Variants in SLC7A6OS observed in about 807,000 individuals in gnomAD.
SLC7A6OS encodes solute carrier family 7 member 6 opposite strand.
A neutral mutation model predicts 34.3 loss-of-function variants in SLC7A6OS; 22 were observed. The observed-to-expected ratio is 0.64, with a 90% CI of 0.46 to 0.92. The LOEUF (loss-of-function observed/expected upper bound fraction) is 0.92, where lower values mean the gene tolerates loss of function less well. SLC7A6OS is among the 40% of genes least tolerant of loss of function. SLC7A6OS has a pLI of 0.00. For synonymous variants in SLC7A6OS, 199 were observed against 165.0 expected (o/e 1.21, Z -1.58); for missense variants, 434 against 407.7 (o/e 1.06, Z -0.56).
chr16:68,300,919 A>G lies in SLC7A6OS; in HGVS notation c.*356T>C. On this transcript the variant is annotated 3_prime_UTR_variant, in exon 5 of 5. Coordinates refer to ENST00000263997, the MANE Select transcript of SLC7A6OS (RefSeq NM_032178.3). The stretch of plus-strand genomic sequence containing the variant: ...ATGGCACAGCAGAAGCTTACTGCTA[A>G]TGAAATGGGAACCTCCCCCTCCCTT... 1 of 1,000,094 alleles carries G rather than the reference A, an allele frequency of 1.0e-6. No homozygotes were observed. The highest frequency in any genetic ancestry group is 1.2e-6 in the Non-Finnish European group (1 of 839,430). 62.0% of individuals were successfully genotyped at this position (1,000,094 alleles called of 1,614,324 possible). A position where few individuals can be genotyped will look rare whatever the true frequency, so the allele number is the denominator to read the frequency against.
Position 68,300,771 on chromosome 16 carries a change from GACT to G in SLC7A6OS, c.*501_*503del, listed in dbSNP as rs2043256139. 64 of 985,392 alleles carry G rather than the reference GACT, an allele frequency of 6.5e-5. No individual in the cohort carries two copies. Among genetic ancestry groups the G allele is most frequent in the Non-Finnish European group, 7.5e-5 (62 of 830,016 alleles). The allele number at this position is 985,392 out of a possible 1,614,324, so 61.0% of individuals were successfully genotyped here. A position where few individuals can be genotyped will look rare whatever the true frequency, so the allele number is the denominator to read the frequency against. ...GTTAACTAAAATCTCCCACTGCTCA[GACT>G]ACTTTCTGCCCTAATGGCCATTACT... On this transcript the variant is annotated 3_prime_UTR_variant, in exon 5 of 5. Transcript: ENST00000263997.
At position 68,301,129 on chromosome 16, in the gene SLC7A6OS, T is replaced by G; in HGVS notation, c.*146A>C. 2 of 1,416,086 alleles carry G rather than the reference T, an allele frequency of 1.4e-6. No individual in the cohort carries two copies. Among genetic ancestry groups the G allele is most frequent in the Non-Finnish European group, 1.8e-6 (2 of 1,081,238 alleles). 87.7% of individuals were successfully genotyped at this position (1,416,086 alleles called of 1,614,324 possible). A position where few individuals can be genotyped will look rare whatever the true frequency, so the allele number is the denominator to read the frequency against. Reference sequence around the variant, plus strand: ...CCCCTAACATAAGTTTTCACTGTGGTGGGATGGTGCCGCCCGATATGCTTG... The same window carrying G: ...CCCCTAACATAAGTTTTCACTGTGGGGGGATGGTGCCGCCCGATATGCTTG... On this transcript the variant is annotated 3_prime_UTR_variant, in exon 5 of 5. Transcript: ENST00000263997.
intron 4 of SLC7A6OS, chr16:68,301,784 C>T (rs552865630): frequency 1.8e-5 from 3 of 163,238 alleles, no homozygotes; most frequent in Non-Finnish European, 2.6e-5. Flanking sequence ...ATTCATTTCT[C>T]TGTTATCAGA....
At chr16:68,301,506 A>G in intron 4 of SLC7A6OS, 101 bp from the exon 5 acceptor site, 4 of 939,618 alleles carry the variant, frequency 4.3e-6, no homozygotes, top group Non-Finnish European at 6.3e-6. Context: ...TCCCGATTGT[A>G]ATGCAAAATC....
In SLC7A6OS at chr16:68,300,643, A is replaced by C. The variant is rs752059048; in HGVS notation, c.*632T>G. 54 of 985,342 alleles carry C rather than the reference A, an allele frequency of 5.5e-5. No homozygotes were observed. Among genetic ancestry groups the C allele is most frequent in the Non-Finnish European group, 6.5e-5 (54 of 829,934 alleles). The allele number at this position is 985,342 out of a possible 1,614,324, so 61.0% of individuals were successfully genotyped here. A position where few individuals can be genotyped will look rare whatever the true frequency, so the allele number is the denominator to read the frequency against. ...CATGTTCAAAGCTAGATTTTACTAA[A>C]CACATGTATCACATTCATATATATT... On this transcript the variant is annotated 3_prime_UTR_variant, in exon 5 of 5. Coordinates refer to ENST00000263997, the MANE Select transcript of SLC7A6OS (RefSeq NM_032178.3).
intron 4 of SLC7A6OS, 56 bp from the exon 5 acceptor site, chr16:68,301,461 G>A: frequency 6.6e-7 from 1 of 1,522,618 alleles, no homozygotes; most frequent in East Asian, 2.3e-5. Flanking sequence ...GCTACTGCAG[G>A]AGCCCCTTCT....
At chr16:68,306,609 T>A (rs555316208) in intron 2 of SLC7A6OS, among the ~76,000 whole-genome samples, 1 of 152,126 alleles carries the variant, frequency 6.6e-6, no homozygotes, top group Non-Finnish European at 1.5e-5. Flanking sequence ...ACCTCCTGAG[T>A]AGCTGGGACT....
rs2043225604 is a variant in SLC7A6OS, at chr16:68,299,155, TA to T, written c.*2119del. 1 of 152,638 alleles carries T rather than the reference TA, an allele frequency of 6.6e-6. No individual in the cohort carries two copies. 9.5% of individuals were successfully genotyped at this position (152,638 alleles called of 1,614,324 possible). A position where few individuals can be genotyped will look rare whatever the true frequency, so the allele number is the denominator to read the frequency against. On this transcript the variant is annotated 3_prime_UTR_variant, in exon 5 of 5. Transcript: ENST00000263997. ...TGCAAAGGCTGACTTGCCTGAACGC[TA>T]AGAACATGACTTCTGTCTGAGCTAA...
chr16:68,302,954 T>C (rs1481948358), intron 3 of SLC7A6OS, among the ~76,000 whole-genome samples: 2 of 152,186 alleles, frequency 1.3e-5, no homozygotes, highest in African/African-American at 2.4e-5. Context: ...TTAAGTTTTC[T>C]TGTTAAGCAT....
rs758029254 is a variant in SLC7A6OS at position 68,310,207 on chromosome 16, G to C, written c.471+128C>G. On this transcript the variant is annotated intron_variant, in intron 2 of 4. Coordinates refer to ENST00000263997, the MANE Select transcript of SLC7A6OS (RefSeq NM_032178.3). Reference sequence around the variant, plus strand: ...ACATGTTGGATGAACAACCAAATCTGTAAAATGAGGCCGTCACGCCGGATG... The same window carrying C: ...ACATGTTGGATGAACAACCAAATCTCTAAAATGAGGCCGTCACGCCGGATG... 2.8e-6 allele frequency: 3 copies of C among 1,086,958 alleles called. No homozygotes were observed. The East Asian group carries it at 7.9e-5, about 28-fold the overall frequency. 67.3% of individuals were successfully genotyped at this position (1,086,958 alleles called of 1,614,324 possible).
intron 3 of SLC7A6OS, chr16:68,303,750 C>T (rs1159119210): frequency 5.1e-6 from 2 of 392,350 alleles, no homozygotes; most frequent in Admixed American, 4.2e-5. Flanking sequence ...ATATTTCCCC[C>T]CTAAGAATGG....
At chr16:68,307,158 G>A (rs1290517651) in intron 2 of SLC7A6OS, among the ~76,000 whole-genome samples, 1 of 152,158 alleles carries the variant, frequency 6.6e-6, no homozygotes, top group Non-Finnish European at 1.5e-5. Flanking sequence ...GTATAGTGTT[G>A]CAATGAATGT....
rs1278829068 is a variant in SLC7A6OS, at chr16:68,310,873, C to T, written c.54G>A (p.Glu18=). Residue 18 remains glutamate, a synonymous_variant, in exon 1 of 5, where the codon GAG becomes GAA. Coordinates refer to ENST00000263997, the MANE Select transcript of SLC7A6OS (RefSeq NM_032178.3). ...VLRVKRKRSA[E]PAEALVLACK... is the part of the protein sequence containing the mutation. ...AAGCGAGCACAAGAGCCTCCGCCGGCTCCGCACTGCGCTTCCGCTTCACCC... is the reference window on the plus strand; with the variant it reads ...AAGCGAGCACAAGAGCCTCCGCCGGTTCCGCACTGCGCTTCCGCTTCACCC... 2 of 1,609,188 alleles carry T rather than the reference C, an allele frequency of 1.2e-6. No individual in the cohort carries two copies. The highest frequency in any genetic ancestry group is 1.3e-5 in the African/African-American group (1 of 74,988).
chr16:68,310,742 C>G lies in SLC7A6OS; in HGVS notation c.185G>C (p.Cys62Ser). The G allele has an allele frequency of 6.2e-7, 1 of 1,607,064 alleles. No homozygotes were observed. The highest frequency in any genetic ancestry group is 2.2e-5 in the East Asian group (1 of 44,754). ...NNVFHLVATV[C>S]SQEEPVQPLL... ...CTGCACCACGCCCAATACCTGGGAG[C>G]ACACAGTGGCCACCAAGTGGAAGAC... Residue 62 changes from cysteine (C) to serine (S), a missense_variant, in exon 1 of 5, where the codon TGC becomes TCC. Cys to Ser is a moderately radical substitution (Grantham distance 112). Transcript: ENST00000263997.
Position 68,300,840 on chromosome 16 carries a change from T to C in SLC7A6OS, c.*435A>G. 3 of 987,164 alleles carry C rather than the reference T, an allele frequency of 3.0e-6. No individual in the cohort carries two copies. The highest frequency in any genetic ancestry group is 3.6e-6 in the Non-Finnish European group (3 of 831,186). 61.2% of individuals were successfully genotyped at this position (987,164 alleles called of 1,614,324 possible). A position where few individuals can be genotyped will look rare whatever the true frequency, so the allele number is the denominator to read the frequency against. ...CTACAAGGGACCCACTGGTACCCCT[T>C]TTAGATTCTATCAAAAGGAACAGGG... On this transcript the variant is annotated 3_prime_UTR_variant, in exon 5 of 5. Transcript: ENST00000263997.
At chr16:68,308,342 C>T (rs1453816382) in intron 2 of SLC7A6OS, among the ~76,000 whole-genome samples, 1 of 152,090 alleles carries the variant, frequency 6.6e-6, no homozygotes, top group Non-Finnish European at 1.5e-5. Context: ...CTTACACTAG[C>T]ACCAGCTGGA....
intron 3 of SLC7A6OS, among the ~76,000 whole-genome samples, chr16:68,303,486 G>C (rs2043302526): frequency 6.6e-6 from 1 of 151,400 alleles, no homozygotes; most frequent in Non-Finnish European, 1.5e-5. Flanking sequence ...GGGAGGCTGA[G>C]ATAGGAGGAT....
chr16:68,310,283 C>G (rs1296354850), intron 2 of SLC7A6OS, 52 bp downstream of exon 2: 13 of 1,518,580 alleles, frequency 8.6e-6, no homozygotes, highest in Non-Finnish European at 1.2e-5. Flanking sequence ...GCCCAGTCTT[C>G]TTGCATTACC....
intron 2 of SLC7A6OS, 66 bp downstream of exon 2, chr16:68,310,269 C>G (rs113511018): frequency 6.7e-7 from 1 of 1,482,898 alleles, no homozygotes; most frequent in Non-Finnish European, 9.0e-7. Flanking sequence ...TGTGCTGCGA[C>G]TGGGCCCAGT....
Sources: allele counts gnomAD v4.1 joint callset (sites outside exome capture counted in the v4.1 genomes callset), GRCh38; gene constraint gnomAD v4.1.1; transcripts MANE v1.5; gene names NCBI Gene and HGNC (gene_info 2026-07-23, HGNC 2026-07-21).